LRRC7: variants seen among roughly 807,000 people sequenced by gnomAD.
LRRC7 encodes leucine rich repeat containing 7.
Under a neutral mutation model 175.7 loss-of-function variants are expected in LRRC7, and 23 were observed. That is an observed-to-expected ratio of 0.13 (90% confidence interval 0.09 to 0.19). LRRC7 has a LOEUF of 0.19. Ranked by LOEUF, LRRC7 falls within the 10% of genes least tolerant of loss-of-function variation. The pLI is 1.00. For synonymous variants in LRRC7, 685 were observed against 680.9 expected, an observed-to-expected ratio of 1.01 and a Z score of -0.09; for missense variants, 1,354 against 1,904.7, an observed-to-expected ratio of 0.71 and a Z score of 5.38.
intron 12 of LRRC7, 23 bp downstream of exon 12, chr1:70,011,949 A>C: frequency 6.4e-7 from 1 of 1,556,996 alleles, no homozygotes; most frequent in South Asian, 1.1e-5. Context: ...CTTGTTTTCT[A>C]TTTATTAACT....
chr1:69,597,372 A>T (rs1468776448), intron 1 of LRRC7, among the ~76,000 whole-genome samples: 1 of 152,172 alleles, frequency 6.6e-6, no homozygotes, highest in African/African-American at 2.4e-5. Context: ...TGTCTGAAGA[A>T]TCATTACATG....
At chr1:69,639,915 G>T (rs955506052) in intron 1 of LRRC7, among the ~76,000 whole-genome samples, 1 of 151,696 alleles carries the variant, frequency 6.6e-6, no homozygotes, top group African/African-American at 2.4e-5. Flanking sequence ...AAAGAAAATA[G>T]CTGGGAAAAT....
chr1:69,740,682 G>T (rs1054066945), intron 2 of LRRC7, among the ~76,000 whole-genome samples: 1 of 152,010 alleles, frequency 6.6e-6, no homozygotes, highest in African/African-American at 2.4e-5. Flanking sequence ...CATGTGATTG[G>T]CCAAAACTCA....
intron 1 of LRRC7, among the ~76,000 whole-genome samples, chr1:69,588,994 T>TGTGTGTGG (rs1646513904): frequency 6.6e-6 from 1 of 151,440 alleles, no homozygotes; most frequent in Admixed American, 6.6e-5. Flanking sequence ...TCTGTGTGTG[T>TGTGTGTGG]GTGTGTGTGT....
intron 11 of LRRC7, among the ~76,000 whole-genome samples, chr1:70,006,367 G>A (rs1385426334): frequency 6.6e-6 from 1 of 151,824 alleles, no homozygotes; most frequent in Admixed American, 6.6e-5. Context: ...AGCTACTGGG[G>A]AGGCTGAGGA....
intron 7 of LRRC7, among the ~76,000 whole-genome samples, chr1:69,900,106 A>G (rs1158554991): frequency 1.3e-5 from 2 of 152,096 alleles, no homozygotes; most frequent in Admixed American, 1.3e-4. Flanking sequence ...ACCATTCCAA[A>G]TTTGTAGGCT....
intron 2 of LRRC7, among the ~76,000 whole-genome samples, chr1:69,751,172 A>ATATGCAATTATAG (rs1349387866): frequency 3.9e-5 from 6 of 152,220 alleles, no homozygotes; most frequent in African/African-American, 1.4e-4. Context: ...AGCAATTATA[A>ATATGCAATTATAG]TATGCAATTA....
In LRRC7 at chr1:69,805,419, G is replaced by A. The variant is rs571036296; in HGVS notation, c.421+13259G>A. On this transcript the variant is annotated intron_variant, in intron 4 of 26. Coordinates refer to ENST00000651989, the MANE Select transcript of LRRC7 (RefSeq NM_001370785.2). The stretch of plus-strand genomic sequence containing the variant: ...CTACTCTGTGACGCCTTGTGTCAGG[G>A]AGAAAATGGTACCATGCAATTGTTC... Among the ~76,000 whole-genome samples the A allele has an allele frequency of 2.6e-5, 4 of 151,792 alleles. No individual in the cohort carries two copies. The South Asian group carries it at 8.3e-4, about 31-fold the overall frequency.
intron 23 of LRRC7, among the ~76,000 whole-genome samples, chr1:70,056,848 A>AAAT (rs1440540157): frequency 6.6e-6 from 1 of 152,178 alleles, no homozygotes; most frequent in Non-Finnish European, 1.5e-5. Flanking sequence ...AACACTTTGG[A>AAAT]AATAGTGAGG....
intron 4 of LRRC7, among the ~76,000 whole-genome samples, chr1:69,813,527 A>C (rs1236976317): frequency 2.0e-5 from 3 of 152,162 alleles, no homozygotes; most frequent in Non-Finnish European, 4.4e-5. Context: ...CTCTTCTGAA[A>C]AAACTAAAGC....
At chr1:70,085,959 A>G (rs1196569697) in intron 24 of LRRC7, among the ~76,000 whole-genome samples, 1 of 152,158 alleles carries the variant, frequency 6.6e-6, no homozygotes, top group Non-Finnish European at 1.5e-5. Context: ...CAAAGCTACA[A>G]CATTTTTCCA....
intron 8 of LRRC7, among the ~76,000 whole-genome samples, chr1:69,952,285 T>C (rs1471319109): frequency 6.6e-6 from 1 of 152,152 alleles, no homozygotes. Flanking sequence ...TAGAATATTG[T>C]CAAACATATG....
chr1:69,935,101 A>G (rs1045364370), intron 8 of LRRC7, among the ~76,000 whole-genome samples: 3 of 152,208 alleles, frequency 2.0e-5, no homozygotes, highest in Admixed American at 2.0e-4. Context: ...AGAAAGCAGC[A>G]TGGGTAGGGA....
intron 2 of LRRC7, among the ~76,000 whole-genome samples, chr1:69,749,652 A>T (rs34448963): frequency 0.033 from 5,082 of 152,248 alleles, 100 homozygotes; most frequent in African/African-American, 0.055. Flanking sequence ...ATTATTTTTT[A>T]AAAATATAAG....
chr1:70,120,585 A>T (rs2102243072), intron 26 of LRRC7, among the ~76,000 whole-genome samples: 1 of 152,234 alleles, frequency 6.6e-6, no homozygotes, highest in South Asian at 2.1e-4. Flanking sequence ...TCACTGAAAG[A>T]GTCTAATTAT....
rs940238372 is a variant in LRRC7 at position 70,125,642 on chromosome 1, A to C, written c.*3755A>C. 6.0e-5 allele frequency among the ~76,000 whole-genome samples: 9 copies of C among 151,118 alleles called. No homozygotes were observed. The highest frequency in any genetic ancestry group is 1.0e-4 in the Non-Finnish European group (7 of 67,820). On this transcript the variant is annotated 3_prime_UTR_variant, in exon 27 of 27. Coordinates refer to ENST00000651989, the MANE Select transcript of LRRC7 (RefSeq NM_001370785.2). Reference sequence around the variant, plus strand: ...CCCGTCTCTACTAAAAATACAAAAAATTAGCCGGGCGTAGTGGCGGGCGCC... The same window carrying C: ...CCCGTCTCTACTAAAAATACAAAAACTTAGCCGGGCGTAGTGGCGGGCGCC...
At chr1:69,856,982 A>C (rs1034165466) in intron 7 of LRRC7, among the ~76,000 whole-genome samples, 5 of 152,076 alleles carry the variant, frequency 3.3e-5, no homozygotes, top group African/African-American at 1.2e-4. Context: ...TAAACGTAAT[A>C]CAGCATATAA....
chr1:69,794,318 A>T (rs1475360851), intron 4 of LRRC7, among the ~76,000 whole-genome samples: 1 of 152,104 alleles, frequency 6.6e-6, no homozygotes, highest in Non-Finnish European at 1.5e-5. Flanking sequence ...TCTGAAAGAG[A>T]CAATTAGAAC....
In LRRC7 at chr1:70,038,558, A is replaced by G; in HGVS notation, c.2734A>G (p.Arg912Gly). The change falls in exon 21 of 27, where the codon AGG (arginine) becomes GGG (glycine). Residue 912 changes from arginine (R) to glycine (G), a missense_variant. By Grantham distance (125) the Arg-to-Gly change is moderately radical. Transcript: ENST00000651989. The stretch of plus-strand genomic sequence containing the variant: ...CCCCACTACCAGCCCATTGCCTGAA[A>G]GGAAAGAACATATAAAGGAATCTAC... ...TTPTTSPLPE[R>G]KEHIKESTEI... 1 of 1,614,150 alleles carries G rather than the reference A, an allele frequency of 6.2e-7. No individual in the cohort carries two copies. The highest frequency in any genetic ancestry group is 8.5e-7 in the Non-Finnish European group (1 of 1,179,994).
Sources: gnomAD v4.1 joint callset for allele counts (sites outside exome capture counted in the v4.1 genomes callset) on GRCh38, gnomAD v4.1.1 for gene constraint, MANE v1.5 for transcripts, NCBI Gene and HGNC (gene_info 2026-07-23, HGNC 2026-07-21) for gene names.